GALNT9: variants seen among roughly 807,000 people sequenced by gnomAD.
GALNT9 encodes polypeptide N-acetylgalactosaminyltransferase 9, also known as GalNAc transferase 9.
In GALNT9, 47 loss-of-function variants were observed where a neutral mutation model predicts 63.1. That is an observed-to-expected ratio of 0.75 (90% confidence interval 0.59 to 0.95). GALNT9 has a LOEUF of 0.95. Ranked by LOEUF, GALNT9 falls within the 40% of genes least tolerant of loss-of-function variation. GALNT9 has a pLI of 0.00. For synonymous variants in GALNT9, 396 were observed against 365.7 expected (o/e 1.08, Z -0.94); for missense variants, 829 against 874.8 (o/e 0.95, Z 0.66).
At position 132,329,049 on chromosome 12, in the gene GALNT9, G is replaced by A. The variant is rs782575677; in HGVS notation, c.155C>T (p.Ala52Val). ...ACGGTCCCCCAGCGTGCCCACCTTGGCGTGTCGGCTGCGCACCCGGCGGTC... is the reference window on the plus strand; with the variant it reads ...ACGGTCCCCCAGCGTGCCCACCTTGACGTGTCGGCTGCGCACCCGGCGGTC... ...SGDRRVRSRH[A>V]KVGTLGDREA... Residue 52 changes from alanine (A) to valine (V), a missense_variant, in exon 1 of 11, where the codon GCC (alanine) becomes GTC (valine). Physicochemically the swap from Ala to Val is moderately conservative, Grantham distance 64 (BLOSUM62 0). Transcript: ENST00000328957. 4.8e-5 allele frequency: 75 copies of A among 1,546,450 alleles called. 1 individual carries two copies. The South Asian group carries it at 8.7e-4, about 18-fold the overall frequency.
intron 1 of GALNT9, among the ~76,000 whole-genome samples, chr12:132,304,839 G>A (rs1423382181): frequency 8.9e-5 from 5 of 55,952 alleles, no homozygotes; most frequent in South Asian, 7.5e-4. Context: ...ACCCTCGCCC[G>A]GGCACACCCT....
chr12:132,237,256 G>A (rs2136895289), intron 6 of GALNT9, among the ~76,000 whole-genome samples: 13 of 152,080 alleles, frequency 8.5e-5, no homozygotes, highest in Middle Eastern at 3.4e-3. Flanking sequence ...GATCACACCC[G>A]TCCACACCTG....
In GALNT9 at chr12:132,325,981, G is replaced by A. The variant is rs201389717; in HGVS notation, c.238+2985C>T. The stretch of plus-strand genomic sequence containing the variant: ...TGCTCCCTGGCGGTGACCTTCACTC[G>A]CTCCACGCCCACAGCAACAAACAGC... On this transcript the variant is annotated intron_variant, in intron 1 of 10. Transcript: ENST00000328957. Among the ~76,000 whole-genome samples the A allele has an allele frequency of 7.2e-5, 11 of 152,232 alleles. No individual in the cohort carries two copies. The East Asian group carries it at 1.5e-3, about 21-fold the overall frequency.
chr12:132,196,985 C>A lies in GALNT9; in HGVS notation c.*122G>T. ...CCACACCCCGGCCCCTCAGCCTCTG[C>A]TGTCCTGGCCGCACATAGAGCCCTG... On this transcript the variant is annotated 3_prime_UTR_variant, in exon 11 of 11. Coordinates refer to ENST00000328957, the MANE Select transcript of GALNT9 (RefSeq NM_001122636.2). 6.6e-7 allele frequency: 1 copy of A among 1,520,928 alleles called. No individual in the cohort carries two copies. Among genetic ancestry groups the A allele is most frequent in the Middle Eastern group, 2.4e-4 (1 of 4,118 alleles). The allele number at this position is 1,520,928 out of a possible 1,614,324, so 94.2% of individuals were successfully genotyped here.
At chr12:132,300,181 A>C (rs1202824652) in intron 1 of GALNT9, among the ~76,000 whole-genome samples, 1 of 148,534 alleles carries the variant, frequency 6.7e-6, no homozygotes, top group Non-Finnish European at 1.5e-5. Flanking sequence ...CACTCCCATA[A>C]CTAACCTGCT....
rs115486532 is a variant in GALNT9 at position 132,202,125 on chromosome 12, G to A, written c.1264-864C>T. On this transcript the variant is annotated intron_variant, in intron 7 of 10. Transcript: ENST00000328957. ...TCATTGGTAAAGTGGGGACGATCAC[G>A]CCAGAAACTCATTGTTGCTCTGTTA... 2.9e-3 allele frequency among the ~76,000 whole-genome samples: 440 copies of A among 152,318 alleles called. 2 individuals are homozygous for A. The highest frequency in any genetic ancestry group is 9.9e-3 in the African/African-American group (413 of 41,580).
intron 1 of GALNT9, among the ~76,000 whole-genome samples, 197 bp downstream of exon 1, chr12:132,328,769 C>A (rs1869153261): frequency 1.3e-5 from 2 of 152,338 alleles, no homozygotes; most frequent in Admixed American, 1.3e-4. Context: ...GGGGTGGGTG[C>A]CCGGTGCGGG....
chr12:132,329,277 G>A lies in GALNT9; in HGVS notation c.-74C>T. 2 of 1,488,386 alleles carry A rather than the reference G, an allele frequency of 1.3e-6. No homozygotes were observed. The highest frequency in any genetic ancestry group is 1.8e-6 in the Non-Finnish European group (2 of 1,114,936). 92.2% of individuals were successfully genotyped at this position (1,488,386 alleles called of 1,614,324 possible). On this transcript the variant is annotated 5_prime_UTR_variant, in exon 1 of 11. Coordinates refer to ENST00000328957, the MANE Select transcript of GALNT9 (RefSeq NM_001122636.2). Reference sequence around the variant, plus strand: ...CCGCCCGGGCCTGGGCTTCAGCTTCGGCTTCGGGGACCATGAGCCGCCCGG... The same window carrying A: ...CCGCCCGGGCCTGGGCTTCAGCTTCAGCTTCGGGGACCATGAGCCGCCCGG...
chr12:132,270,710 A>C (rs534349445), intron 2 of GALNT9, among the ~76,000 whole-genome samples: 44 of 152,258 alleles, frequency 2.9e-4, no homozygotes, highest in Non-Finnish European at 5.1e-4. Flanking sequence ...ACAGCCACGG[A>C]CACGGCCACG....
At chr12:132,285,380 G>C (rs908660450) in intron 2 of GALNT9, among the ~76,000 whole-genome samples, 3 of 152,278 alleles carry the variant, frequency 2.0e-5, no homozygotes, top group African/African-American at 4.8e-5. Context: ...CAGGCCCAGA[G>C]GCCAAGCTCA....
In GALNT9 at chr12:132,295,418, G is replaced by GGAACT. The variant is rs1555243134; in HGVS notation, c.239-8989_239-8988insAGTTC. On this transcript the variant is annotated intron_variant, in intron 1 of 10. Transcript: ENST00000328957. ...GAAAAACAGGCAGAGTCCCAGCCCTGGGGACCTGTGAACAGGATCTTATCT... is the reference window on the plus strand; with the variant it reads ...GAAAAACAGGCAGAGTCCCAGCCCTGGAACTGGGACCTGTGAACAGGATCTTATCT... Among the ~76,000 whole-genome samples the GGAACT allele has an allele frequency of 6.3e-3, 964 of 152,382 alleles. 10 individuals carry two copies. Among genetic ancestry groups the GGAACT allele is most frequent in the African/African-American group, 0.022 (917 of 41,588 alleles).
At chr12:132,324,365 G>A (rs1443492913) in intron 1 of GALNT9, among the ~76,000 whole-genome samples, 1 of 152,178 alleles carries the variant, frequency 6.6e-6, no homozygotes, top group Non-Finnish European at 1.5e-5. Context: ...GCGCTCCGAC[G>A]GCGCTGTCTG....
chr12:132,222,381 C>G (rs571859832), intron 6 of GALNT9, among the ~76,000 whole-genome samples: 1 of 152,198 alleles, frequency 6.6e-6, no homozygotes. Context: ...AGTTCAAGGC[C>G]AGCCTGGGCA....
intron 2 of GALNT9, chr12:132,283,209 C>T (rs1880431787): frequency 1.3e-5 from 2 of 152,384 alleles, no homozygotes; most frequent in Non-Finnish European, 2.9e-5. Context: ...GGACCGAGGG[C>T]CTGCAGGGAT....
chr12:132,290,447 G>C (rs1434378806), intron 1 of GALNT9, among the ~76,000 whole-genome samples: 2 of 152,130 alleles, frequency 1.3e-5, no homozygotes, highest in African/African-American at 4.8e-5. Flanking sequence ...CCAACAGGCT[G>C]TTCTCTGTGC....
intron 5 of GALNT9, among the ~76,000 whole-genome samples, chr12:132,251,636 G>A (rs1878919105): frequency 6.6e-6 from 1 of 152,228 alleles, no homozygotes; most frequent in South Asian, 2.1e-4. Flanking sequence ...GGGTGAAGGA[G>A]AAAATCAGGG....
rs372597873 is a variant in GALNT9 at position 132,262,550 on chromosome 12, C to G, written c.495G>C (p.Ser165=). 1 of 1,551,466 alleles carries G rather than the reference C, an allele frequency of 6.4e-7. No individual in the cohort carries two copies. The highest frequency in any genetic ancestry group is 8.7e-7 in the Non-Finnish European group (1 of 1,146,904). Reference sequence around the variant, plus strand: ...CGCTGTGCACGGAGCGCAGGATGACCGACAGCGCCTCATTGACGAAGATGA... The same window carrying G: ...CGCTGTGCACGGAGCGCAGGATGACGGACAGCGCCTCATTGACGAAGATGA... ...VVFIFVNEAL[S]VILRSVHSVV... Residue 165 remains serine (S), a synonymous_variant, in exon 3 of 11, where the codon TCG becomes TCC. Transcript: ENST00000328957.
rs1555246741 is a variant in GALNT9 at position 132,329,055 on chromosome 12, C to G, written c.149G>C (p.Arg50Pro). The change falls in exon 1 of 11, where the codon CGA becomes CCA. Residue 50 changes from arginine (R) to proline (P), a missense_variant. By Grantham distance (103) the Arg-to-Pro change is moderately radical. Coordinates refer to ENST00000328957, the MANE Select transcript of GALNT9 (RefSeq NM_001122636.2). ...CCCCAGCGTGCCCACCTTGGCGTGT[C>G]GGCTGCGCACCCGGCGGTCGCCGCT... ...IVSGDRRVRS[R>P]HAKVGTLGDR... 1.3e-6 allele frequency: 2 copies of G among 1,546,692 alleles called. No homozygotes were observed. Among genetic ancestry groups the G allele is most frequent in the Admixed American group, 3.9e-5 (2 of 50,926 alleles).
rs948872546 is a variant in GALNT9 at position 132,319,907 on chromosome 12, C to T, written c.238+9059G>A. 2.0e-5 allele frequency among the ~76,000 whole-genome samples: 3 copies of T among 152,224 alleles called. No individual in the cohort carries two copies. Among genetic ancestry groups the T allele is most frequent in the African/African-American group, 7.2e-5 (3 of 41,464 alleles). ...GAGGTTCGGAGGCACTCACTGACCC[C>T]GCCATGCAGGCGGGCACACGAGGCA... On this transcript the variant is annotated intron_variant, in intron 1 of 10. Transcript: ENST00000328957. The surrounding 1 kb of genome is among the most constrained non-coding windows in gnomAD (Gnocchi z 5.2).
Sources: allele counts gnomAD v4.1 joint callset (sites outside exome capture counted in the v4.1 genomes callset), GRCh38; gene constraint gnomAD v4.1.1; non-coding constraint Gnocchi (gnomAD v3.1); transcripts MANE v1.5; gene names NCBI Gene and HGNC (gene_info 2026-07-23, HGNC 2026-07-21).